Variants in TDRD6 observed in about 807,000 individuals in gnomAD.
TDRD6 encodes the protein tudor domain-containing protein 6.
A neutral mutation model predicts 157.5 loss-of-function variants in TDRD6; 186 were observed. That is an observed-to-expected ratio of 1.18 (90% CI 1.05 to 1.33). TDRD6 has a LOEUF of 1.33. Among genes scored for constraint, TDRD6 ranks in the 40% most tolerant of loss-of-function variants. TDRD6 has a pLI of 0.00. For synonymous variants in TDRD6, 1,075 were observed against 945.2 expected (o/e 1.14, Z -2.52); for missense variants, 3,066 against 2,508.0 (o/e 1.22, Z -4.75).
chr6:46,686,087 C>A (rs143907571), upstream of TDRD6, among the ~76,000 whole-genome samples: 50 of 152,238 alleles, frequency 3.3e-4, 2 homozygotes, highest in South Asian at 8.9e-3. Context: ...TATACCCTGA[C>A]GTCCTAGGAT....
chr6:46,692,172 T>C lies in TDRD6; in HGVS notation c.4044T>C (p.Tyr1348=), dbSNP rs200547594. Residue 1348 remains tyrosine, a synonymous_variant, in exon 1 of 4, where the codon TAT becomes TAC. Coordinates refer to ENST00000316081, the MANE Select transcript of TDRD6 (RefSeq NM_001010870.3). The part of the protein sequence containing the change: ...LNSVKTRPEY[Y]VGPPLQRGDM... The stretch of plus-strand genomic sequence containing the variant: ...GTGTTAAAACAAGGCCCGAATATTA[T>C]GTAGGTCCACCTTTGCAAAGAGGAG... 4.8e-4 allele frequency: 772 copies of C among 1,614,176 alleles called. 3 individuals carry two copies. The highest frequency in any genetic ancestry group is 2.7e-4 in the East Asian group (12 of 44,874).
In TDRD6 at chr6:46,693,727, G is replaced by T; in HGVS notation, c.5599G>T (p.Gly1867Trp). Residue 1867 changes from glycine (G) to tryptophan (W), a missense_variant, in exon 1 of 4, where the codon GGG becomes TGG. Transcript: ENST00000316081. Reference sequence around the variant, plus strand: ...TTCTCTGGTGGTGGATGAAGAAAAAGGGGAGCTAAGCCCGGTGCCACCGAA... The same window carrying T: ...TTCTCTGGTGGTGGATGAAGAAAAATGGGAGCTAAGCCCGGTGCCACCGAA... Reference protein sequence around the residue: ...QNSLVVDEEKGELSPVPPNVP... With the variant: ...QNSLVVDEEKWELSPVPPNVP... The T allele has an allele frequency of 6.2e-7, 1 of 1,614,160 alleles. No individual in the cohort carries two copies. Among genetic ancestry groups the T allele is most frequent in the Non-Finnish European group, 8.5e-7 (1 of 1,180,016 alleles).
upstream of TDRD6, among the ~76,000 whole-genome samples, chr6:46,687,127 T>A (rs1280181373): frequency 6.6e-6 from 1 of 152,014 alleles, no homozygotes; most frequent in Admixed American, 6.6e-5. Flanking sequence ...CAAATGGAGG[T>A]TTGGACATTT....
upstream of TDRD6, among the ~76,000 whole-genome samples, chr6:46,685,632 G>A (rs557613998): frequency 6.6e-6 from 1 of 152,078 alleles, no homozygotes; most frequent in African/African-American, 2.4e-5. Context: ...GGAAGGATAG[G>A]GGAGGGATAG....
At position 46,691,490 on chromosome 6, in the gene TDRD6, A is replaced by AT. The variant is rs1562055746; in HGVS notation, c.3363dup (p.Lys1122Ter). 6.2e-7 allele frequency: 1 copy of AT among 1,614,106 alleles called. No individual in the cohort carries two copies. Among genetic ancestry groups the AT allele is most frequent in the South Asian group, 1.1e-5 (1 of 91,074 alleles). ...GTGTGGTTTCAGGAGACTATTTTAG[A>AT]TAAGTCATTGAAGGCTTTAGTTGTA... On this transcript the variant is annotated frameshift_variant, in exon 1 of 4. Transcript: ENST00000316081. LOFTEE classifies it high-confidence loss of function.
rs1764233962 is a variant in TDRD6, at chr6:46,689,369, C to T, written c.1241C>T (p.Ser414Phe). 3 of 1,613,952 alleles carry T rather than the reference C, an allele frequency of 1.9e-6. No individual in the cohort carries two copies. The highest frequency in any genetic ancestry group is 1.3e-5 in the African/African-American group (1 of 75,004). The change falls in exon 1 of 4, where the codon TCC becomes TTC. Residue 414 changes from serine (S) to phenylalanine (F), a missense_variant. Transcript: ENST00000316081. ...AATGCAAAGATTGAATTTTATTGCT[C>T]CTTTGAGCATGTGTATTATGTCAGC... ...AVNAKIEFYC[S>F]FEHVYYVSLY...
rs748384661 is a variant in TDRD6, at chr6:46,689,113, G to T, written c.985G>T (p.Ala329Ser). ...TGGCCTGGATGGACATTGGTACAGA[G>T]CACTGTTGCTTGAGACTTTTCGGCC... Reference protein sequence around the residue: ...SCGLDGHWYRALLLETFRPQR... With the variant: ...SCGLDGHWYRSLLLETFRPQR... The change falls in exon 1 of 4, where the codon GCA becomes TCA. Residue 329 changes from alanine to serine, a missense_variant. By Grantham distance (99) the Ala-to-Ser change is moderately conservative. Transcript: ENST00000316081. The T allele has an allele frequency of 7.4e-6, 12 of 1,614,148 alleles. No individual in the cohort carries two copies. The South Asian group carries it at 1.2e-4, about 16-fold the overall frequency.
In TDRD6 at chr6:46,687,953, C is replaced by T; in HGVS notation, c.-176C>T. The T allele has an allele frequency of 3.8e-6, 4 of 1,056,554 alleles. No individual in the cohort carries two copies. The highest frequency in any genetic ancestry group is 5.1e-6 in the Non-Finnish European group (4 of 783,682). 65.4% of individuals were successfully genotyped at this position (1,056,554 alleles called of 1,614,324 possible). A position where few individuals can be genotyped will look rare whatever the true frequency, so the allele number is the denominator to read the frequency against. The stretch of plus-strand genomic sequence containing the variant: ...TCTTACCAGTCCGTGGCGGGAGTCC[C>T]GGAGGACCCTCGACGGGGGAGTTGC... On this transcript the variant is annotated 5_prime_UTR_variant, in exon 1 of 4. Coordinates refer to ENST00000316081, the MANE Select transcript of TDRD6 (RefSeq NM_001010870.3).
At chr6:46,696,498 A>G (rs1233598955) in intron 2 of TDRD6, among the ~76,000 whole-genome samples, 2 of 136,608 alleles carry the variant, frequency 1.5e-5, no homozygotes, top group Non-Finnish European at 1.5e-5. Flanking sequence ...ATATATGTAT[A>G]TGTAATATAT....
At position 46,692,819 on chromosome 6, in the gene TDRD6, G is replaced by A. The variant is rs1196414033; in HGVS notation, c.4691G>A (p.Cys1564Tyr). The change falls in exon 1 of 4, where the codon TGT (cysteine) becomes TAT (tyrosine). Residue 1564 changes from cysteine to tyrosine, a missense_variant. Coordinates refer to ENST00000316081, the MANE Select transcript of TDRD6 (RefSeq NM_001010870.3). Reference protein sequence around the residue: ...AGEQVADRRNCIPCPYIGDPC... With the variant: ...AGEQVADRRNYIPCPYIGDPC... ...GAACAGGTAGCAGACAGGAGAAATT[G>A]TATCCCATGTCCTTATATTGGAGAT... is the stretch of plus-strand genomic sequence containing the variant. 1 of 1,614,034 alleles carries A rather than the reference G, an allele frequency of 6.2e-7. No individual in the cohort carries two copies. Among genetic ancestry groups the A allele is most frequent in the Admixed American group, 1.7e-5 (1 of 60,010 alleles).
the TDRD6 span, chr6:46,681,453 C>T: frequency 2.6e-5 from 12 of 455,010 alleles, no homozygotes; most frequent in Non-Finnish European, 5.1e-5. Flanking sequence ...ATTTTACCCA[C>T]TCAAGTGTTT....
chr6:46,683,529 TTTAA>T (rs1452334922), upstream of TDRD6, among the ~76,000 whole-genome samples: 1 of 151,752 alleles, frequency 6.6e-6, no homozygotes, highest in Non-Finnish European at 1.5e-5. Flanking sequence ...AAAGACACTA[TTTAA>T]GGGAATAAAA....
At position 46,693,682 on chromosome 6, in the gene TDRD6, G is replaced by T. The variant is rs755593853; in HGVS notation, c.5554G>T (p.Glu1852Ter). 6.2e-7 allele frequency: 1 copy of T among 1,614,134 alleles called. No individual in the cohort carries two copies. The highest frequency in any genetic ancestry group is 1.7e-5 in the Admixed American group (1 of 60,014). The change falls in exon 1 of 4, where the codon GAA (glutamate) becomes TAA (stop). Residue 1852 changes from glutamate to a stop codon, truncating the protein, a stop_gained. Transcript: ENST00000316081. LOFTEE classifies it high-confidence loss of function. ...DDESKEFLEL[E>*]SIELQNSLVV... ...TGAATCAAAAGAATTCTTAGAACTG[G>T]AATCTATTGAGTTACAGAATTCTCT...
chr6:46,682,051 T>G, the TDRD6 span, among the ~76,000 whole-genome samples: 1 of 152,088 alleles, frequency 6.6e-6, no homozygotes. Context: ...AATGGTAAGT[T>G]TTGTTTTACG....
At position 46,690,686 on chromosome 6, in the gene TDRD6, A is replaced by G. The variant is rs760356575; in HGVS notation, c.2558A>G (p.Asp853Gly). The G allele has an allele frequency of 1.2e-6, 2 of 1,614,060 alleles. No individual in the cohort carries two copies. The highest frequency in any genetic ancestry group is 1.6e-4 in the Middle Eastern group (1 of 6,084). ...GAGCATGTCAATGTAACATTTGTAG[A>G]TTATGGAGACAGAGAAATGGTATCT... ...SVEHVNVTFV[D>G]YGDREMVSVK... is the part of the protein sequence containing the mutation. The change falls in exon 1 of 4, where the codon GAT (aspartate) becomes GGT (glycine). Residue 853 changes from aspartate (D) to glycine (G), a missense_variant. Physicochemically the swap from Asp to Gly is moderately conservative, Grantham distance 94 (BLOSUM62 -1). Transcript: ENST00000316081.
Position 46,687,977 on chromosome 6 carries a change from G to A in TDRD6, c.-152G>A. On this transcript the variant is annotated 5_prime_UTR_variant, in exon 1 of 4. Transcript: ENST00000316081. ...CCGGAGGACCCTCGACGGGGGAGTT[G>A]CCGAGAAAAGGCCTCGCCGGCATTC... 3 of 1,241,042 alleles carry A rather than the reference G, an allele frequency of 2.4e-6. No homozygotes were observed. The highest frequency in any genetic ancestry group is 1.8e-5 in the South Asian group (1 of 56,402). The allele number at this position is 1,241,042 out of a possible 1,614,324, so 76.9% of individuals were successfully genotyped here.
At chr6:46,686,899 G>A (rs1036473150), upstream of TDRD6, among the ~76,000 whole-genome samples, 3 of 152,196 alleles carry the variant, frequency 2.0e-5, no homozygotes, top group East Asian at 5.8e-4. Context: ...CCTCTAATCT[G>A]GACAGACTGA....
chr6:46,694,883 A>G (rs546082096), intron 1 of TDRD6, among the ~76,000 whole-genome samples: 1 of 152,328 alleles, frequency 6.6e-6, no homozygotes, highest in Non-Finnish European at 1.5e-5. Flanking sequence ...AGGGTCTTTT[A>G]GACTTAACTG....
intron 3 of TDRD6, among the ~76,000 whole-genome samples, chr6:46,701,621 G>A (rs542045476): frequency 9.5e-4 from 144 of 152,172 alleles, no homozygotes; most frequent in African/African-American, 3.4e-3. Flanking sequence ...TATAAAATAT[G>A]CCAATTTCAT....
Sources: allele counts gnomAD v4.1 joint callset (sites outside exome capture counted in the v4.1 genomes callset), GRCh38; gene constraint gnomAD v4.1.1; transcripts MANE v1.5; gene names NCBI Gene and HGNC (gene_info 2026-07-23, HGNC 2026-07-21).